The following ARHGAP22 variants were observed in gnomAD, a reference collection of about 807,000 sequenced individuals.
ARHGAP22 encodes rho GTPase-activating protein 22.
Under a neutral mutation model 59.1 loss-of-function variants are expected in ARHGAP22, and 48 were observed. The ratio of observed to expected loss-of-function variants is 0.81; its 90% confidence interval spans 0.64 to 1.03. The LOEUF (loss-of-function observed/expected upper bound fraction) is 1.03. Among genes scored for constraint, ARHGAP22 ranks in the 50% least tolerant of loss-of-function variants. The pLI, the probability that ARHGAP22 is intolerant of heterozygous loss-of-function variation, is 0.00. For missense variants in ARHGAP22, 1,015 were observed against 958.7 expected (o/e 1.06, Z -0.78); for synonymous variants, 445 against 416.4 (o/e 1.07, Z -0.84).
At chr10:48,607,845 G>A (rs1010999261), upstream of ARHGAP22, among the ~76,000 whole-genome samples, 2 of 152,198 alleles carry the variant, frequency 1.3e-5, no homozygotes, top group Non-Finnish European at 1.5e-5. Flanking sequence ...GGCTGTTCAG[G>A]GACAGAAGCT....
chr10:48,499,597 G>C (rs1032010455), intron 3 of ARHGAP22, among the ~76,000 whole-genome samples: 4 of 152,168 alleles, frequency 2.6e-5, no homozygotes, highest in Admixed American at 6.5e-5. Flanking sequence ...TCCCTGGAAG[G>C]GTTCACCAAC....
At chr10:48,604,215 C>T (rs1200924526) in intron 1 of ARHGAP22, among the ~76,000 whole-genome samples, 2 of 152,218 alleles carry the variant, frequency 1.3e-5, no homozygotes, top group African/African-American at 4.8e-5. Flanking sequence ...TCTGCTCCCG[C>T]ATCCACCCGT....
chr10:48,582,636 T>G, intron 2 of ARHGAP22: 1 of 415,172 alleles, frequency 2.4e-6, no homozygotes. Context: ...AATGTGTGCA[T>G]GTATGTCCTT....
intron 1 of ARHGAP22, among the ~76,000 whole-genome samples, chr10:48,603,494 C>CA (rs1430096695): frequency 6.6e-6 from 1 of 152,120 alleles, no homozygotes; most frequent in Non-Finnish European, 1.5e-5. Flanking sequence ...ACTAAATCAT[C>CA]AAAATTTGGT....
intron 3 of ARHGAP22, among the ~76,000 whole-genome samples, chr10:48,552,161 C>A (rs563442187): frequency 6.6e-5 from 10 of 152,398 alleles, no homozygotes; most frequent in Non-Finnish European, 1.0e-4. Flanking sequence ...CTAGGCATGA[C>A]CTTCCTTGGA....
chr10:48,572,050 A>G (rs3867454), intron 2 of ARHGAP22, among the ~76,000 whole-genome samples: 58,345 of 151,638 alleles, frequency 0.38, 12,587 homozygotes, highest in East Asian at 0.89. Flanking sequence ...CTGTGATAGG[A>G]GGTCAAACAT....
chr10:48,545,112 A>T (rs1288160380), intron 3 of ARHGAP22, among the ~76,000 whole-genome samples: 1 of 152,238 alleles, frequency 6.6e-6, no homozygotes, highest in Non-Finnish European at 1.5e-5. Flanking sequence ...CAATTTCACT[A>T]GCTTTCTTTC....
intron 1 of ARHGAP22, among the ~76,000 whole-genome samples, chr10:48,595,041 T>C (rs1174294509): frequency 6.6e-6 from 1 of 152,218 alleles, no homozygotes; most frequent in African/African-American, 2.4e-5. Context: ...TTGAATAGAC[T>C]TGTGCCTTTG....
At chr10:48,588,400 T>C in intron 1 of ARHGAP22, among the ~76,000 whole-genome samples, 1 of 152,236 alleles carries the variant, frequency 6.6e-6, no homozygotes, top group East Asian at 1.9e-4. Context: ...CTGATGGAGC[T>C]TCTTGAAAGG....
intron 3 of ARHGAP22, among the ~76,000 whole-genome samples, chr10:48,495,733 T>G (rs1434702173): frequency 1.3e-5 from 2 of 152,252 alleles, no homozygotes; most frequent in Non-Finnish European, 2.9e-5. Flanking sequence ...TGGCAAAAAT[T>G]GACAGGATGT....
downstream of ARHGAP22, chr10:48,444,361 C>T (rs1311115441): frequency 2.6e-5 from 4 of 152,200 alleles, no homozygotes; most frequent in African/African-American, 9.7e-5. Context: ...CTCAGTGTGC[C>T]TGACAGTCAA....
chr10:48,439,803 T>G, the ARHGAP22 span, among the ~76,000 whole-genome samples: 1 of 152,222 alleles, frequency 6.6e-6, no homozygotes, highest in South Asian at 2.1e-4. Flanking sequence ...CTGCAGTACC[T>G]TCCCAGCCAC....
upstream of ARHGAP22, chr10:48,605,111 G>T (rs1031855651): frequency 1.6e-6 from 2 of 1,256,914 alleles, no homozygotes; most frequent in Admixed American, 3.7e-5. Flanking sequence ...TGGCCTGGGC[G>T]CACGCGTGGC....
At chr10:48,537,292 C>T (rs2055455962) in intron 3 of ARHGAP22, among the ~76,000 whole-genome samples, 1 of 152,198 alleles carries the variant, frequency 6.6e-6, no homozygotes. Context: ...TTTGTGGAGC[C>T]CTGCTCTGTG....
chr10:48,614,477 A>T lies in ARHGAP22; in HGVS notation c.53-31325T>A, dbSNP rs189868976. Among the ~76,000 whole-genome samples, 42 of 152,370 alleles carry T rather than the reference A, an allele frequency of 2.8e-4. No homozygotes were observed. The East Asian group carries it at 7.5e-3, about 27-fold the overall frequency. On this transcript the variant is annotated intron_variant, in intron 1 of 9. Transcript: ENST00000435790. ...TTATGAAAAAAGCCCCATACTCAGCATGCTAAATATAATACAGAACACTCA... is the reference window on the plus strand; with the variant it reads ...TTATGAAAAAAGCCCCATACTCAGCTTGCTAAATATAATACAGAACACTCA...
chr10:48,455,327 T>TGGGGCAGGGACGACTAAGTATCCA (rs2046383545), intron 5 of ARHGAP22, among the ~76,000 whole-genome samples, 193 bp from the exon 6 acceptor site: 2 of 152,144 alleles, frequency 1.3e-5, no homozygotes, highest in Admixed American at 1.3e-4. Context: ...TGGATAGAGC[T>TGGGGCAGGGACGACTAAGTATCCA]GGGGCAGGGA....
chr10:48,457,812 G>A (rs2046702125), intron 5 of ARHGAP22, among the ~76,000 whole-genome samples: 1 of 152,124 alleles, frequency 6.6e-6, no homozygotes, highest in African/African-American at 2.4e-5. Flanking sequence ...CCTGCGGAAG[G>A]GGCCAGGACA....
intron 3 of ARHGAP22, among the ~76,000 whole-genome samples, chr10:48,491,657 G>A (rs1302200484): frequency 6.6e-6 from 1 of 152,258 alleles, no homozygotes; most frequent in Admixed American, 6.5e-5. Flanking sequence ...GGGCGGCAGC[G>A]GCAGAACAAA....
downstream of ARHGAP22, chr10:48,443,849 C>CTAT (rs1237644484): frequency 1.3e-5 from 2 of 152,160 alleles, no homozygotes; most frequent in African/African-American, 4.8e-5. Context: ...CCTTTTCTTT[C>CTAT]TATTTCTGTT....
Sources: gnomAD v4.1 joint callset for allele counts (sites outside exome capture counted in the v4.1 genomes callset) on GRCh38, gnomAD v4.1.1 for gene constraint, MANE v1.5 for transcripts, NCBI Gene and HGNC (gene_info 2026-07-23, HGNC 2026-07-21) for gene names.